Variants in SCAPER observed in about 807,000 individuals in gnomAD.
SCAPER encodes the protein S phase cyclin A-associated protein in the endoplasmic reticulum.
Under a neutral mutation model 182.2 loss-of-function variants are expected in SCAPER, and 98 were observed. That is an observed-to-expected ratio of 0.54 (90% CI 0.46 to 0.64). The LOEUF (loss-of-function observed/expected upper bound fraction) is 0.64, where lower values mean the gene tolerates loss of function less well. SCAPER is among the 30% of genes least tolerant of loss of function. SCAPER has a pLI of 0.00. For missense variants in SCAPER, 1,432 were observed against 1,690.0 expected, an observed-to-expected ratio of 0.85 and a Z score of 2.68; for synonymous variants, 605 against 564.6, an observed-to-expected ratio of 1.07 and a Z score of -1.01.
intron 8 of SCAPER, among the ~76,000 whole-genome samples, chr15:76,789,837 T>C (rs951348369): frequency 1.3e-4 from 20 of 152,374 alleles, no homozygotes; most frequent in African/African-American, 4.8e-4. Context: ...CAAGTCAATA[T>C]AACCAGTAAC....
At chr15:76,725,517 A>G (rs1261555863) in intron 17 of SCAPER, among the ~76,000 whole-genome samples, 5 of 152,102 alleles carry the variant, frequency 3.3e-5, no homozygotes, top group Non-Finnish European at 7.4e-5. Context: ...AAAAATGCAC[A>G]TGAATCTCAA....
intron 22 of SCAPER, among the ~76,000 whole-genome samples, chr15:76,583,104 G>C (rs2048376733): frequency 6.6e-6 from 1 of 152,100 alleles, no homozygotes; most frequent in Non-Finnish European, 1.5e-5. Flanking sequence ...TGTAATCCCA[G>C]CACTTTGGGA....
intron 22 of SCAPER, among the ~76,000 whole-genome samples, chr15:76,588,860 A>T (rs998473520): frequency 6.6e-6 from 1 of 151,830 alleles, no homozygotes; most frequent in African/African-American, 2.4e-5. Context: ...GTTCTTTTTC[A>T]TTTGGGTAGG....
At chr15:76,793,247 AAT>A (rs1384799773) in intron 8 of SCAPER, 2 of 1,100,512 alleles carry the variant, frequency 1.8e-6, no homozygotes, top group Non-Finnish European at 2.7e-6. Context: ...GATATTGCAA[AAT>A]ATATATTTGG....
intron 1 of SCAPER, among the ~76,000 whole-genome samples, chr15:76,898,126 T>C (rs2152621729): frequency 6.6e-6 from 1 of 152,296 alleles, no homozygotes; most frequent in African/African-American, 2.4e-5. Context: ...AAAAAATGTA[T>C]ACGAATGGCT....
At chr15:76,715,314 C>G (rs1791537138) in intron 17 of SCAPER, among the ~76,000 whole-genome samples, 1 of 152,042 alleles carries the variant, frequency 6.6e-6, no homozygotes, top group South Asian at 2.1e-4. Context: ...GATCCAAAGG[C>G]TCTACTGACC....
chr15:76,491,528 A>G (rs764134531), intron 24 of SCAPER, among the ~76,000 whole-genome samples: 54 of 152,230 alleles, frequency 3.5e-4, no homozygotes, highest in Admixed American at 1.9e-3. Context: ...AGATAGTTAC[A>G]TACTGTTTCC....
intron 5 of SCAPER, among the ~76,000 whole-genome samples, chr15:76,813,456 C>A (rs1266490746): frequency 2.0e-5 from 3 of 149,446 alleles, no homozygotes; most frequent in African/African-American, 7.5e-5. Context: ...CAAGAGCAAT[C>A]GGACCAAAAA....
At chr15:76,629,308 G>T (rs1048947215) in intron 21 of SCAPER, among the ~76,000 whole-genome samples, 1 of 152,246 alleles carries the variant, frequency 6.6e-6, no homozygotes, top group Admixed American at 6.5e-5. Context: ...GAATAGGAGT[G>T]GTGAGAGAAG....
At position 76,905,329 on chromosome 15, in the gene SCAPER, T is replaced by G. The variant is rs1251764077; in HGVS notation, c.-90A>C. The G allele has an allele frequency of 4.1e-6, 1 of 243,462 alleles. No homozygotes were observed. The highest frequency in any genetic ancestry group is 8.6e-6 in the Non-Finnish European group (1 of 115,864). 15.1% of individuals were successfully genotyped at this position (243,462 alleles called of 1,614,324 possible). On this transcript the variant is annotated 5_prime_UTR_variant, in exon 1 of 32. Coordinates refer to ENST00000563290, the MANE Select transcript of SCAPER (RefSeq NM_020843.4). ...ACCGCCCTGCTTAGTTCGGGGCGGC[T>G]CAAAGCGTCCCGCCGGGAAAGGGGC...
intron 20 of SCAPER, among the ~76,000 whole-genome samples, chr15:76,680,420 A>G (rs983993658): frequency 3.6e-3 from 274 of 75,772 alleles, no homozygotes; most frequent in African/African-American, 8.9e-3. Context: ...TGATAATAAT[A>G]ATAATAATAA....
chr15:76,594,781 C>G (rs56335303), intron 22 of SCAPER, among the ~76,000 whole-genome samples: 3 of 120,278 alleles, frequency 2.5e-5, no homozygotes, highest in Non-Finnish European at 6.0e-5. Context: ...AAATGCTGAG[C>G]GATTTTGTCA....
chr15:76,883,421 A>G (rs1460894533), intron 2 of SCAPER, among the ~76,000 whole-genome samples: 2 of 152,240 alleles, frequency 1.3e-5, no homozygotes, highest in Non-Finnish European at 2.9e-5. Flanking sequence ...ACCAGATTCA[A>G]GACCTACTCT....
At chr15:76,368,717 C>T (rs1467354846) in intron 29 of SCAPER, among the ~76,000 whole-genome samples, 1 of 152,218 alleles carries the variant, frequency 6.6e-6, no homozygotes, top group East Asian at 1.9e-4. Context: ...ACTCTGATAG[C>T]TGCAATCTAT....
At chr15:76,823,424 C>T (rs140911206) in intron 5 of SCAPER, among the ~76,000 whole-genome samples, 7,435 of 151,972 alleles carry the variant, frequency 0.049, 224 homozygotes, top group South Asian at 0.12. Context: ...CACACCACTG[C>T]ACTCCAGCCT....
chr15:76,419,913 A>AT (rs1337931505), intron 26 of SCAPER, among the ~76,000 whole-genome samples: 3 of 152,204 alleles, frequency 2.0e-5, no homozygotes, highest in African/African-American at 7.2e-5. Flanking sequence ...ACTAAATTCA[A>AT]TAACACATTA....
intron 1 of SCAPER, among the ~76,000 whole-genome samples, chr15:76,890,879 A>G (rs549790425): frequency 6.6e-6 from 1 of 152,358 alleles, no homozygotes; most frequent in East Asian, 1.9e-4. Flanking sequence ...AGAGAATTTT[A>G]GACCAATATC....
chr15:76,506,352 C>CAA (rs896541331), intron 23 of SCAPER, among the ~76,000 whole-genome samples: 47 of 151,774 alleles, frequency 3.1e-4, no homozygotes, highest in Admixed American at 5.9e-4. Flanking sequence ...ATGCCTATAT[C>CAA]AAAATATCTC....
At chr15:76,474,879 T>C (rs1042196666) in intron 24 of SCAPER, among the ~76,000 whole-genome samples, 12 of 152,234 alleles carry the variant, frequency 7.9e-5, no homozygotes, top group South Asian at 4.1e-4. Flanking sequence ...ACTAAGTTGA[T>C]GGGAGCCAGA....
Sources: allele counts gnomAD v4.1 joint callset (sites outside exome capture counted in the v4.1 genomes callset), GRCh38; gene constraint gnomAD v4.1.1; transcripts MANE v1.5; gene names NCBI Gene and HGNC (gene_info 2026-07-23, HGNC 2026-07-21).